The following MAP4K5 variants were observed in gnomAD, a reference collection of about 807,000 sequenced individuals.
MAP4K5 encodes MAPK/ERK kinase kinase kinase 5.
In MAP4K5, 82 loss-of-function variants were observed where a neutral mutation model predicts 135.6. The observed-to-expected ratio is 0.60, with a 90% CI of 0.51 to 0.73. The LOEUF is 0.73. Among genes scored for constraint, MAP4K5 ranks in the 30% least tolerant of loss-of-function variants. The probability of loss-of-function intolerance (pLI) is 0.00; values close to 1 mark genes in which losing one functional copy is unlikely to be tolerated. For synonymous variants in MAP4K5, 347 were observed against 335.0 expected (o/e 1.04, Z -0.39); for missense variants, 907 against 1,010.9 (o/e 0.90, Z 1.39).
intron 2 of MAP4K5, among the ~76,000 whole-genome samples, chr14:50,519,012 G>GA (rs1444025766): frequency 6.6e-6 from 1 of 151,768 alleles, no homozygotes; most frequent in Non-Finnish European, 1.5e-5. Context: ...AAGATTGTGT[G>GA]AAAAAAATCT....
Position 50,426,118 on chromosome 14 carries a change from A to G in MAP4K5, c.2327-141T>C, listed in dbSNP as rs1274161335. The G allele has an allele frequency of 4.4e-5, 21 of 477,298 alleles. No homozygotes were observed. The East Asian group carries it at 6.3e-4, about 14-fold the overall frequency. 29.6% of individuals were successfully genotyped at this position (477,298 alleles called of 1,614,324 possible). ...ACTGTCTAGACCACGATTTCTCAAC[A>G]TTTTTGTGGCTAAGACATGCCTAAG... On this transcript the variant is annotated intron_variant, in intron 30 of 32. Transcript: ENST00000682126.
chr14:50,512,524 C>T (rs910568732), intron 2 of MAP4K5, among the ~76,000 whole-genome samples: 1 of 152,086 alleles, frequency 6.6e-6, no homozygotes, highest in Non-Finnish European at 1.5e-5. Context: ...CTACAGCTCC[C>T]GCTGATAGGA....
Position 50,528,091 on chromosome 14 carries a change from C to T in MAP4K5, c.108+3851G>A, listed in dbSNP as rs115721912. Among the ~76,000 whole-genome samples the T allele has an allele frequency of 3.8e-3, 579 of 152,230 alleles. 4 individuals are homozygous for T. Among genetic ancestry groups the T allele is most frequent in the African/African-American group, 0.013 (560 of 41,562 alleles). On this transcript the variant is annotated intron_variant, in intron 2 of 32. Coordinates refer to ENST00000682126, the MANE Select transcript of MAP4K5 (RefSeq NM_006575.6). Reference sequence around the variant, plus strand: ...TTACAGTAATTACAAATAAAAGCTGCTCAGTTGACATTTAATCCTTCATCC... The same window carrying T: ...TTACAGTAATTACAAATAAAAGCTGTTCAGTTGACATTTAATCCTTCATCC...
chr14:50,476,001 A>T, intron 8 of MAP4K5, 127 bp downstream of exon 8: 1 of 509,000 alleles, frequency 2.0e-6, no homozygotes, highest in Admixed American at 4.1e-5. Flanking sequence ...AAAGTTAAAC[A>T]TTACTGCGAC....
chr14:50,477,681 C>G (rs933602767), intron 6 of MAP4K5, among the ~76,000 whole-genome samples: 1 of 151,966 alleles, frequency 6.6e-6, no homozygotes, highest in Non-Finnish European at 1.5e-5. Context: ...TTTTTTTTAT[C>G]AGGAATGAAT....
At chr14:50,514,562 G>A (rs2037994230) in intron 2 of MAP4K5, among the ~76,000 whole-genome samples, 1 of 152,180 alleles carries the variant, frequency 6.6e-6, no homozygotes, top group African/African-American at 2.4e-5. Flanking sequence ...TGTGAAAAAT[G>A]CTCTCATAGA....
At chr14:50,491,892 G>T (rs898445308) in intron 3 of MAP4K5, among the ~76,000 whole-genome samples, 3 of 151,932 alleles carry the variant, frequency 2.0e-5, no homozygotes, top group Non-Finnish European at 4.4e-5. Flanking sequence ...TTGCCATGTT[G>T]CCCAGGCTGG....
intron 1 of MAP4K5, among the ~76,000 whole-genome samples, chr14:50,549,541 TA>T (rs1220915270): frequency 4.6e-5 from 7 of 152,340 alleles, no homozygotes; most frequent in African/African-American, 1.7e-4. Flanking sequence ...ACAATGGGGC[TA>T]CTACTACACA....
intron 28 of MAP4K5, among the ~76,000 whole-genome samples, chr14:50,432,301 T>C (rs978011156): frequency 3.9e-5 from 6 of 152,046 alleles, no homozygotes; most frequent in Admixed American, 3.9e-4. Context: ...CTTGTAAAAA[T>C]GGGGAAACCT....
At chr14:50,449,469 C>T (rs1460673141) in intron 14 of MAP4K5, 1 of 151,892 alleles carries the variant, frequency 6.6e-6, no homozygotes, top group Admixed American at 6.6e-5. Context: ...TGATTAAAAG[C>T]CCCCCAAATT....
At position 50,462,650 on chromosome 14, in the gene MAP4K5, C is replaced by A; in HGVS notation, c.936+15G>T. 6.4e-7 allele frequency: 1 copy of A among 1,555,170 alleles called. No homozygotes were observed. The highest frequency in any genetic ancestry group is 8.8e-7 in the Non-Finnish European group (1 of 1,136,148). On this transcript the variant is annotated intron_variant, in intron 13 of 32. Coordinates refer to ENST00000682126, the MANE Select transcript of MAP4K5 (RefSeq NM_006575.6). ...ACATTTATTTTCAACTATGAGACTG[C>A]AAACACTTCCTTACCTCAAAGTCAT...
At chr14:50,469,895 T>C (rs142712153) in intron 9 of MAP4K5, among the ~76,000 whole-genome samples, 6 of 152,318 alleles carry the variant, frequency 3.9e-5, no homozygotes, top group African/African-American at 1.2e-4. Flanking sequence ...TGCTTTTATA[T>C]GTACTTAGGC....
At chr14:50,459,300 C>A (rs1472063511) in intron 13 of MAP4K5, among the ~76,000 whole-genome samples, 2 of 152,092 alleles carry the variant, frequency 1.3e-5, no homozygotes, top group African/African-American at 4.8e-5. Context: ...TATATCCATC[C>A]AACTGCTCAA....
chr14:50,489,522 G>T (rs1036314952), intron 3 of MAP4K5, among the ~76,000 whole-genome samples: 1 of 152,046 alleles, frequency 6.6e-6, no homozygotes, highest in African/African-American at 2.4e-5. Flanking sequence ...TACATGCCCT[G>T]AAGTACCAAT....
chr14:50,434,067 C>T (rs1183583612), intron 28 of MAP4K5, among the ~76,000 whole-genome samples: 2 of 152,126 alleles, frequency 1.3e-5, no homozygotes, highest in African/African-American at 4.8e-5. Flanking sequence ...AAGCTCTTTG[C>T]TTGAGGCTTG....
At chr14:50,528,939 T>C (rs1349566471) in intron 2 of MAP4K5, among the ~76,000 whole-genome samples, 1 of 152,220 alleles carries the variant, frequency 6.6e-6, no homozygotes, top group Non-Finnish European at 1.5e-5. Context: ...TTTTTAGGCA[T>C]ACTAAGGAGT....
chr14:50,537,417 C>T (rs890704742), upstream of MAP4K5, among the ~76,000 whole-genome samples: 10 of 152,212 alleles, frequency 6.6e-5, no homozygotes, highest in African/African-American at 1.7e-4. Flanking sequence ...TAGGGTGGTG[C>T]GAAAGGGAAA....
At chr14:50,472,890 T>C (rs1004262237) in intron 9 of MAP4K5, among the ~76,000 whole-genome samples, 9 of 152,174 alleles carry the variant, frequency 5.9e-5, no homozygotes, top group Non-Finnish European at 1.3e-4. Context: ...AATTAAACAT[T>C]GACTAATGCT....
chr14:50,489,631 T>C (rs2037438455), intron 3 of MAP4K5, among the ~76,000 whole-genome samples: 1 of 152,144 alleles, frequency 6.6e-6, no homozygotes, highest in South Asian at 2.1e-4. Context: ...ATCATAGCCC[T>C]CCTAACAAAA....
Sources: allele counts gnomAD v4.1 joint callset (sites outside exome capture counted in the v4.1 genomes callset), GRCh38; gene constraint gnomAD v4.1.1; transcripts MANE v1.5; gene names NCBI Gene and HGNC (gene_info 2026-07-23, HGNC 2026-07-21).